The following MTOR variants were observed in gnomAD, a reference collection of about 807,000 sequenced individuals.
MTOR encodes mechanistic target of rapamycin kinase, also known as serine/threonine-protein kinase mTOR.
MTOR carries 70 observed loss-of-function variants against 319.8 expected under a neutral mutation model. That is an observed-to-expected ratio of 0.22 (90% CI 0.18 to 0.27). MTOR has a LOEUF of 0.27. Ranked by LOEUF, MTOR falls within the 10% of genes least tolerant of loss-of-function variation. The pLI is 1.00. For missense variants in MTOR, 1,890 were observed against 3,274.4 expected, an observed-to-expected ratio of 0.58 and a Z score of 10.32; for synonymous variants, 1,183 against 1,211.4, an observed-to-expected ratio of 0.98 and a Z score of 0.49.
Position 11,248,111 on chromosome 1 carries a change from GA to G in MTOR, c.841-18del, listed in dbSNP as rs759205492. On this transcript the variant is annotated intron_variant, in intron 6 of 57. Transcript: ENST00000361445. Reference sequence around the variant, plus strand: ...TCTCAGACGCTATATATATGAGGAGGAAAAAAATCATCTTTACTTATGACTG... The same window carrying G: ...TCTCAGACGCTATATATATGAGGAGGAAAAAATCATCTTTACTTATGACTG... 2 of 1,555,706 alleles carry G rather than the reference GA, an allele frequency of 1.3e-6. No individual in the cohort carries two copies. Among genetic ancestry groups the G allele is most frequent in the Admixed American group, 2.0e-5 (1 of 50,990 alleles).
chr1:11,110,840 T>G lies in MTOR; in HGVS notation c.7367-1111A>C, dbSNP rs115634508. On this transcript the variant is annotated intron_variant, in intron 54 of 57. Coordinates refer to ENST00000361445, the MANE Select transcript of MTOR (RefSeq NM_004958.4). ...TGTGCACCACAACACCCAGCTGGAA[T>G]TTAACTTTTAAGCTAAACAACCAAA... is the stretch of plus-strand genomic sequence containing the variant. Among the ~76,000 whole-genome samples the G allele has an allele frequency of 2.5e-3, 388 of 152,310 alleles. 2 individuals are homozygous for G. The highest frequency in any genetic ancestry group is 7.9e-3 in the African/African-American group (329 of 41,578).
intron 8 of MTOR, 60 bp from the exon 9 acceptor site, chr1:11,243,360 C>T: frequency 6.7e-7 from 1 of 1,485,642 alleles, no homozygotes; most frequent in Non-Finnish European, 9.2e-7. Flanking sequence ...TACATATCAA[C>T]AGTCAAAGGT....
intron 32 of MTOR, 96 bp downstream of exon 32, chr1:11,146,580 C>A: frequency 2.2e-6 from 2 of 892,308 alleles, no homozygotes; most frequent in South Asian, 1.4e-5. Flanking sequence ...AAACATCAGA[C>A]CTGAAGTACA....
intron 34 of MTOR, among the ~76,000 whole-genome samples, chr1:11,143,247 T>G (rs1029933096): frequency 3.9e-5 from 6 of 152,228 alleles, no homozygotes; most frequent in Non-Finnish European, 7.3e-5. Flanking sequence ...TCACGAAGGC[T>G]TAAGGTGGTG....
intron 11 of MTOR, among the ~76,000 whole-genome samples, chr1:11,239,903 A>C (rs1557469613): frequency 4.2e-5 from 1 of 24,062 alleles, no homozygotes; most frequent in East Asian, 6.6e-3. Flanking sequence ...ACTTTGTCTC[A>C]AAAAAAAAAA....
intron 57 of MTOR, 118 bp downstream of exon 57, chr1:11,108,063 G>A: frequency 2.9e-6 from 2 of 700,180 alleles, no homozygotes; most frequent in Admixed American, 2.7e-5. Flanking sequence ...AGAGATCTGA[G>A]CTCTAACTGC....
chr1:11,250,237 T>C (rs1425712265), intron 6 of MTOR, among the ~76,000 whole-genome samples: 1 of 95,958 alleles, frequency 1.0e-5, no homozygotes, highest in African/African-American at 4.2e-5. Flanking sequence ...ACCCCCCACC[T>C]CCCTCCCGGA....
chr1:11,201,454 G>A (rs1221404737), intron 26 of MTOR, among the ~76,000 whole-genome samples: 3 of 152,102 alleles, frequency 2.0e-5, no homozygotes, highest in African/African-American at 7.2e-5. Flanking sequence ...ACAGTCTCAG[G>A]GGCCATCACT....
chr1:11,130,689 C>T lies in MTOR; in HGVS notation c.5453G>A (p.Arg1818His), dbSNP rs563143860. 4.5e-5 allele frequency: 72 copies of T among 1,609,848 alleles called. No individual in the cohort carries two copies. In the South Asian group the frequency reaches 6.7e-4, roughly 15 times the overall value. Residue 1818 changes from arginine (R) to histidine (H), a missense_variant, in exon 39 of 58, where the codon CGT becomes CAT. Transcript: ENST00000361445. ...NQARDEKKKL[R>H]HASGANITNA... ...GGTGATGTTGGCCCCGCTGGCATGA[C>T]GCAGTTTCTTCTTCTCATCGCGGGC...
intron 34 of MTOR, among the ~76,000 whole-genome samples, chr1:11,142,719 A>G (rs1643773183): frequency 6.6e-6 from 1 of 152,180 alleles, no homozygotes; most frequent in African/African-American, 2.4e-5. Context: ...AGATAAACTT[A>G]AAAGTCTAGC....
In MTOR at chr1:11,244,836, C is replaced by T. The variant is rs575157098; in HGVS notation, c.1226-1536G>A. On this transcript the variant is annotated intron_variant, in intron 8 of 57. Coordinates refer to ENST00000361445, the MANE Select transcript of MTOR (RefSeq NM_004958.4). Reference sequence around the variant, plus strand: ...CTAGAATATTCATTACAGTAACATGCTGTACAAGTTGTAGCCCAGGAGCAA... The same window carrying T: ...CTAGAATATTCATTACAGTAACATGTTGTACAAGTTGTAGCCCAGGAGCAA... Among the ~76,000 whole-genome samples, 50 of 152,324 alleles carry T rather than the reference C, an allele frequency of 3.3e-4. No individual in the cohort carries two copies. The South Asian group carries it at 8.1e-3, about 25-fold the overall frequency.
At chr1:11,255,425 TCACAGTTTAATTGG>T (rs1320609659) in intron 5 of MTOR, among the ~76,000 whole-genome samples, 1 of 147,812 alleles carries the variant, frequency 6.8e-6, no homozygotes, top group Non-Finnish European at 1.5e-5. Context: ...AGGTACCAAG[TCACAGTTTAATTGG>T]CATATTTGCA....
At chr1:11,161,596 A>C (rs1482156264) in intron 29 of MTOR, among the ~76,000 whole-genome samples, 2 of 152,150 alleles carry the variant, frequency 1.3e-5, no homozygotes, top group African/African-American at 4.8e-5. Context: ...CTTCCAGAGG[A>C]ACGATCAGGC....
chr1:11,109,487 T>A lies in MTOR; in HGVS notation c.7448-117A>T. The A allele has an allele frequency of 5.1e-6, 6 of 1,181,386 alleles. No individual in the cohort carries two copies. The highest frequency in any genetic ancestry group is 7.4e-6 in the Non-Finnish European group (6 of 808,964). The allele number at this position is 1,181,386 out of a possible 1,614,324, so 73.2% of individuals were successfully genotyped here. ...TAAGTGTTAAGCAATCCTTCCTCTA[T>A]GTCCGTCTTTGTCCTCAGAATATAA... On this transcript the variant is annotated intron_variant, in intron 55 of 57. Transcript: ENST00000361445. This position sits in a 1 kb window ranked among gnomAD's most constrained non-coding sequence, Gnocchi z 4.0.
intron 19 of MTOR, among the ~76,000 whole-genome samples, chr1:11,221,138 G>A (rs1191161428): frequency 1.3e-5 from 2 of 151,954 alleles, no homozygotes; most frequent in African/African-American, 4.8e-5. Flanking sequence ...GAGACTACAG[G>A]CATGCACCAC....
chr1:11,136,097 G>A lies in MTOR; in HGVS notation c.5131-1631C>T, dbSNP rs186572653. On this transcript the variant is annotated intron_variant, in intron 36 of 57. Transcript: ENST00000361445. Reference sequence around the variant, plus strand: ...TGCAGTGAGCCGAGATCACACCACTGCACTCCAGTTTGGGTGACAAGAGCG... The same window carrying A: ...TGCAGTGAGCCGAGATCACACCACTACACTCCAGTTTGGGTGACAAGAGCG... Among the ~76,000 whole-genome samples, 646 of 152,298 alleles carry A rather than the reference G, an allele frequency of 4.2e-3. 6 individuals carry two copies. The highest frequency in any genetic ancestry group is 0.015 in the African/African-American group (609 of 41,558).
At chr1:11,256,911 G>A in intron 4 of MTOR, 22 bp downstream of exon 4, 1 of 1,607,210 alleles carries the variant, frequency 6.2e-7, no homozygotes, top group Non-Finnish European at 8.5e-7. Flanking sequence ...GCCTGGCTGT[G>A]CTCCTCCCTG....
chr1:11,193,642 C>T (rs556005000), intron 28 of MTOR: 1 of 1,613,518 alleles, frequency 6.2e-7, no homozygotes, highest in Non-Finnish European at 8.5e-7. Context: ...GAAAAAGTGG[C>T]CTTGTCTCCT....
intron 26 of MTOR, among the ~76,000 whole-genome samples, chr1:11,203,939 C>T (rs1353834895): frequency 6.6e-6 from 1 of 150,648 alleles, no homozygotes. Context: ...GGGACACTCA[C>T]TCTTGAAGCC....
Sources: gnomAD v4.1 joint callset for allele counts (sites outside exome capture counted in the v4.1 genomes callset) on GRCh38, gnomAD v4.1.1 for gene constraint, Gnocchi (gnomAD v3.1) non-coding constraint, MANE v1.5 for transcripts, NCBI Gene and HGNC (gene_info 2026-07-23, HGNC 2026-07-21) for gene names.